Variants in COLEC12 observed in about 807,000 individuals in gnomAD.
The protein encoded by COLEC12 is collectin subfamily member 12, also known as collectin-12.
Under a neutral mutation model 71.1 loss-of-function variants are expected in COLEC12, and 33 were observed. The ratio of observed to expected loss-of-function variants is 0.46; its 90% CI spans 0.35 to 0.62. The LOEUF is 0.62. Ranked by LOEUF, COLEC12 falls within the 20% of genes least tolerant of loss-of-function variation. COLEC12 has a pLI of 0.00. For synonymous variants in COLEC12, 350 were observed against 353.0 expected (o/e 0.99, Z 0.10); for missense variants, 765 against 916.1 (o/e 0.84, Z 2.13).
intron 2 of COLEC12, among the ~76,000 whole-genome samples, chr18:419,812 G>A (rs1167399943): frequency 6.6e-6 from 1 of 152,222 alleles, no homozygotes; most frequent in Non-Finnish European, 1.5e-5. Context: ...AACCTGCAGA[G>A]TGGGTTGGTG....
intron 2 of COLEC12, among the ~76,000 whole-genome samples, chr18:364,047 A>T (rs936190716): frequency 6.6e-6 from 1 of 152,230 alleles, no homozygotes; most frequent in Non-Finnish European, 1.5e-5. Context: ...TTATGACAGC[A>T]TGAACTCTTC....
In COLEC12 at chr18:346,920, G is replaced by A; in HGVS notation, c.702C>T (p.Ile234=). ...QRSVDDTSQA[I]QRIKNDFQNL... ...TTTGAAAGTCGTTCTTGATTCGCTG[G>A]ATAGCCTGGCTTGTGTCATCCACAG... Residue 234 remains isoleucine, a synonymous_variant, in exon 5 of 10, where the codon ATC becomes ATT. Coordinates refer to ENST00000400256, the MANE Select transcript of COLEC12 (RefSeq NM_130386.3). The surrounding 1 kb of genome is among the most constrained non-coding windows in gnomAD (Gnocchi z 4.0). 1 of 1,614,172 alleles carries A rather than the reference G, an allele frequency of 6.2e-7. No individual in the cohort carries two copies. Among genetic ancestry groups the A allele is most frequent in the South Asian group, 1.1e-5 (1 of 91,076 alleles).
intron 2 of COLEC12, among the ~76,000 whole-genome samples, chr18:437,113 G>C (rs1184346910): frequency 6.6e-6 from 1 of 152,188 alleles, no homozygotes; most frequent in African/African-American, 2.4e-5. Flanking sequence ...AATTACAGGG[G>C]ACAGTAGGCT....
intron 2 of COLEC12, among the ~76,000 whole-genome samples, chr18:363,442 C>G (rs76379197): frequency 0.042 from 6,378 of 152,154 alleles, 200 homozygotes; most frequent in Non-Finnish European, 0.057. Flanking sequence ...ATCATGTTAC[C>G]AAAGAGAAGC....
chr18:347,128 G>T lies in COLEC12; in HGVS notation c.494C>A (p.Thr165Asn), dbSNP rs142117662. The T allele has an allele frequency of 7.1e-5, 114 of 1,614,198 alleles. 1 individual carries two copies. The East Asian group carries it at 8.0e-4, about 11-fold the overall frequency. Residue 165 changes from threonine (T) to asparagine (N), a missense_variant, in exon 5 of 10, where the codon ACC becomes AAC. Transcript: ENST00000400256. Reference protein sequence around the residue: ...ETLENNSFLITTVNKTLQAYN... With the variant: ...ETLENNSFLINTVNKTLQAYN... ...CGCCTGGAGGGTTTTGTTTACAGTG[G>T]TGATGAGGAAAGAGTTATTCTCCAA... is the stretch of plus-strand genomic sequence containing the variant.
At chr18:422,696 A>G (rs1205101604) in intron 2 of COLEC12, among the ~76,000 whole-genome samples, 1 of 152,090 alleles carries the variant, frequency 6.6e-6, no homozygotes, top group Non-Finnish European at 1.5e-5. Context: ...ATACACATAG[A>G]TGCATACGTG....
chr18:452,250 G>C (rs1916777306), intron 2 of COLEC12, among the ~76,000 whole-genome samples: 1 of 152,202 alleles, frequency 6.6e-6, no homozygotes, highest in South Asian at 2.1e-4. Context: ...CTTGGGTTCT[G>C]AAAGCAAATG....
At chr18:495,604 G>A (rs921829498) in intron 1 of COLEC12, among the ~76,000 whole-genome samples, 1 of 152,182 alleles carries the variant, frequency 6.6e-6, no homozygotes, top group Admixed American at 6.5e-5. Flanking sequence ...TCCACTGGCT[G>A]ACTGAAGAAC....
intron 2 of COLEC12, among the ~76,000 whole-genome samples, chr18:405,166 T>C (rs2143623445): frequency 6.6e-6 from 1 of 152,288 alleles, no homozygotes; most frequent in East Asian, 1.9e-4. Context: ...TTTTCTGTTA[T>C]TTAAGATGTT....
chr18:329,975 T>C (rs1441452007), intron 8 of COLEC12, among the ~76,000 whole-genome samples: 1 of 151,584 alleles, frequency 6.6e-6, no homozygotes, highest in Non-Finnish European at 1.5e-5. Flanking sequence ...GACTTGGGAG[T>C]CTGAGGTGGG....
chr18:412,346 C>T (rs1005750572), intron 2 of COLEC12, among the ~76,000 whole-genome samples: 2 of 151,754 alleles, frequency 1.3e-5, no homozygotes, highest in Non-Finnish European at 1.5e-5. Context: ...AACTGATAAC[C>T]CAGAGTCCTA....
intron 4 of COLEC12, 101 bp downstream of exon 4, chr18:347,964 C>T (rs1036144674): frequency 1.9e-5 from 13 of 696,386 alleles, no homozygotes; most frequent in Non-Finnish European, 2.9e-5. Flanking sequence ...ATTGAATGTC[C>T]TTCCGGGTGA....
chr18:474,924 A>G (rs1330334607), intron 2 of COLEC12, among the ~76,000 whole-genome samples: 1 of 152,126 alleles, frequency 6.6e-6, no homozygotes, highest in African/African-American at 2.4e-5. Context: ...AATACAAAAA[A>G]GTTAGCTGGG....
In COLEC12 at chr18:500,534, C is replaced by T; in HGVS notation, c.-20G>A. 1 of 1,225,944 alleles carries T rather than the reference C, an allele frequency of 8.2e-7. No individual in the cohort carries two copies. The allele number at this position is 1,225,944 out of a possible 1,614,324, so 75.9% of individuals were successfully genotyped here. A position where few individuals can be genotyped will look rare whatever the true frequency, so the allele number is the denominator to read the frequency against. ...TTTCATGGTGACCGTGGGGACGCAC[C>T]GCCGGCCGGGGAGCTCCGCGCGAGC... On this transcript the variant is annotated 5_prime_UTR_variant, in exon 1 of 10. Transcript: ENST00000400256. This position sits in a 1 kb window ranked among gnomAD's most constrained non-coding sequence, Gnocchi z 5.3.
intron 2 of COLEC12, among the ~76,000 whole-genome samples, chr18:455,601 G>A (rs536057775): frequency 4.3e-4 from 65 of 152,070 alleles, no homozygotes; most frequent in Non-Finnish European, 7.8e-4. Flanking sequence ...CTAGGTTTTA[G>A]GCCCTGCATG....
chr18:493,541 A>G (rs1355176006), intron 1 of COLEC12, among the ~76,000 whole-genome samples: 4 of 152,238 alleles, frequency 2.6e-5, no homozygotes, highest in Non-Finnish European at 2.9e-5. Context: ...CAAACAGGGC[A>G]TGTTCTACTC....
At chr18:443,051 T>C (rs1157043100) in intron 2 of COLEC12, among the ~76,000 whole-genome samples, 1 of 152,268 alleles carries the variant, frequency 6.6e-6, no homozygotes, top group Non-Finnish European at 1.5e-5. Flanking sequence ...CTCTTTTCAC[T>C]AATGTGTCAA....
chr18:339,218 C>T (rs1401805574), intron 5 of COLEC12, among the ~76,000 whole-genome samples: 4 of 152,162 alleles, frequency 2.6e-5, no homozygotes, highest in Non-Finnish European at 5.9e-5. Flanking sequence ...CCCTTCCTCT[C>T]CTGACATGAA....
Position 367,220 on chromosome 18 carries a change from C to T in COLEC12, c.59-9698G>A, listed in dbSNP as rs142551053. Among the ~76,000 whole-genome samples, 160 of 152,292 alleles carry T rather than the reference C, an allele frequency of 1.1e-3. 1 individual carries two copies. The highest frequency in any genetic ancestry group is 3.7e-3 in the African/African-American group (152 of 41,566). Reference sequence around the variant, plus strand: ...CTAATATAATGACGAGGGGGAACAGCGCTGAGCAGGACAAATCTCAGTTAA... The same window carrying T: ...CTAATATAATGACGAGGGGGAACAGTGCTGAGCAGGACAAATCTCAGTTAA... On this transcript the variant is annotated intron_variant, in intron 2 of 9. Coordinates refer to ENST00000400256, the MANE Select transcript of COLEC12 (RefSeq NM_130386.3).
Sources: gnomAD v4.1 joint callset for allele counts (sites outside exome capture counted in the v4.1 genomes callset) on GRCh38, gnomAD v4.1.1 for gene constraint, Gnocchi (gnomAD v3.1) non-coding constraint, MANE v1.5 for transcripts, NCBI Gene and HGNC (gene_info 2026-07-23, HGNC 2026-07-21) for gene names.